FGD4: variants seen among roughly 807,000 people sequenced by gnomAD.
FGD4 encodes the protein FYVE, RhoGEF and PH domain containing 4, also known as FYVE, RhoGEF and PH domain-containing protein 4.
In FGD4, 42 loss-of-function variants were observed where a neutral mutation model predicts 102.0. The ratio of observed to expected loss-of-function variants is 0.41; its 90% confidence interval spans 0.32 to 0.53. The LOEUF is 0.53. Among genes scored for constraint, FGD4 ranks in the 20% least tolerant of loss-of-function variants. FGD4 has a pLI of 0.21. For missense variants in FGD4, 902 were observed against 1,078.2 expected (o/e 0.84, Z 2.29); for synonymous variants, 380 against 375.7 (o/e 1.01, Z -0.13).
chr12:32,409,042 C>T (rs1941081276), intron 1 of FGD4, among the ~76,000 whole-genome samples: 1 of 152,118 alleles, frequency 6.6e-6, no homozygotes, highest in African/African-American at 2.4e-5. Flanking sequence ...ATCACAATTT[C>T]TTTTTACATT....
At position 32,523,860 on chromosome 12, in the gene FGD4, C is replaced by T. The variant is rs570178080; in HGVS notation, c.167-40277C>T. 2.2e-3 allele frequency among the ~76,000 whole-genome samples: 328 copies of T among 152,060 alleles called. 1 individual carries two copies. Among genetic ancestry groups the T allele is most frequent in the Non-Finnish European group, 3.8e-3 (255 of 67,994 alleles). ...GGGCGTTGTGGCAGGCACCTGTAGTCCCAGCTGTTCTGGAGGCTGAGGCAG... is the reference window on the plus strand; with the variant it reads ...GGGCGTTGTGGCAGGCACCTGTAGTTCCAGCTGTTCTGGAGGCTGAGGCAG... On this transcript the variant is annotated intron_variant, in intron 1 of 16. Coordinates refer to ENST00000534526, the MANE Select transcript of FGD4 (RefSeq NM_001370298.3).
rs560665420 is a variant in FGD4, at chr12:32,613,599, T to A, written c.1749+2316T>A. ...GAGACCTCCCTGTCTCTACAAAAAA[T>A]TTAAAAATTAGCTGGGCATGGTAGC... On this transcript the variant is annotated intron_variant, in intron 10 of 16. Coordinates refer to ENST00000534526, the MANE Select transcript of FGD4 (RefSeq NM_001370298.3). Among the ~76,000 whole-genome samples, 14 of 151,896 alleles carry A rather than the reference T, an allele frequency of 9.2e-5. No homozygotes were observed. The East Asian group carries it at 2.1e-3, about 23-fold the overall frequency.
At chr12:32,562,865 TC>T (rs1006742343) in intron 1 of FGD4, among the ~76,000 whole-genome samples, 2 of 151,816 alleles carry the variant, frequency 1.3e-5, no homozygotes, top group African/African-American at 4.8e-5. Flanking sequence ...TCCCCACCTT[TC>T]CCCCCTTTCT....
Position 32,544,516 on chromosome 12 carries a change from GAACTCAGTCGTTT to G in FGD4, c.167-19620_167-19608del, listed in dbSNP as rs1391912348. Among the ~76,000 whole-genome samples, 5 of 151,956 alleles carry G rather than the reference GAACTCAGTCGTTT, an allele frequency of 3.3e-5. No homozygotes were observed. The highest frequency in any genetic ancestry group is 5.9e-5 in the Non-Finnish European group (4 of 67,998). The stretch of plus-strand genomic sequence containing the variant: ...GAGGCTGAGGCAGGTGGATCACTTT[GAACTCAGTCGTTT>G]GAGACCAGCCTGGTCAGTATGGTGA... On this transcript the variant is annotated intron_variant, in intron 1 of 16. Transcript: ENST00000534526. This position sits in a 1 kb window ranked among gnomAD's most constrained non-coding sequence, Gnocchi z 4.1.
Position 32,543,407 on chromosome 12 carries a change from C to T in FGD4, c.167-20730C>T, listed in dbSNP as rs147167172. On this transcript the variant is annotated intron_variant, in intron 1 of 16. Transcript: ENST00000534526. ...CAATTATTAACTCAGTCTCCAGGCA[C>T]TCTCCCTCTCCAGAAGTTGGGAGGA... Among the ~76,000 whole-genome samples, 777 of 152,248 alleles carry T rather than the reference C, an allele frequency of 5.1e-3. 5 individuals are homozygous for T. The highest frequency in any genetic ancestry group is 0.017 in the African/African-American group (710 of 41,544).
At chr12:32,463,219 A>G (rs1199871264) in intron 1 of FGD4, among the ~76,000 whole-genome samples, 1 of 152,242 alleles carries the variant, frequency 6.6e-6, no homozygotes, top group African/African-American at 2.4e-5. Context: ...AACAATAACC[A>G]TTACCGAAAA....
At position 32,569,749 on chromosome 12, in the gene FGD4, C is replaced by T. The variant is rs183885332; in HGVS notation, c.319+5460C>T. ...ATTGATAGGCTCAAGTGGCTAGAAC[C>T]TAGTAGATATTCAATAAGTATTCAT... is the stretch of plus-strand genomic sequence containing the variant. On this transcript the variant is annotated intron_variant, in intron 2 of 16. Transcript: ENST00000534526. 2.1e-3 allele frequency among the ~76,000 whole-genome samples: 323 copies of T among 152,090 alleles called. 2 individuals carry two copies. Among genetic ancestry groups the T allele is most frequent in the Non-Finnish European group, 3.7e-3 (253 of 68,000 alleles).
At chr12:32,567,561 G>A (rs935368167) in intron 2 of FGD4, among the ~76,000 whole-genome samples, 8 of 151,854 alleles carry the variant, frequency 5.3e-5, no homozygotes, top group Admixed American at 3.3e-4. Context: ...CAAAGAATTC[G>A]TACAAACTAT....
At chr12:32,402,742 G>C (rs1412674577) in intron 1 of FGD4, among the ~76,000 whole-genome samples, 1 of 144,416 alleles carries the variant, frequency 6.9e-6, no homozygotes, top group African/African-American at 2.7e-5. Context: ...CTATTTTCAG[G>C]GTCGAAAAGT....
intron 1 of FGD4, among the ~76,000 whole-genome samples, chr12:32,562,029 T>A (rs539606857): frequency 2.6e-5 from 4 of 152,188 alleles, no homozygotes; most frequent in Admixed American, 1.3e-4. Flanking sequence ...ATGTGTGTAT[T>A]TGTTAGTTTC....
chr12:32,461,121 T>C (rs906931339), intron 1 of FGD4, among the ~76,000 whole-genome samples: 1 of 152,250 alleles, frequency 6.6e-6, no homozygotes, highest in Non-Finnish European at 1.5e-5. Context: ...TGAAAGTTAA[T>C]ATTGATTCTT....
chr12:32,575,990 C>A (rs1946096023), intron 2 of FGD4, among the ~76,000 whole-genome samples: 1 of 152,090 alleles, frequency 6.6e-6, no homozygotes, highest in Non-Finnish European at 1.5e-5. Context: ...AATGCTTTAG[C>A]CTTATGTGGA....
intron 1 of FGD4, among the ~76,000 whole-genome samples, chr12:32,513,219 A>G (rs931942415): frequency 2.6e-5 from 4 of 152,236 alleles, no homozygotes; most frequent in Non-Finnish European, 4.4e-5. Flanking sequence ...GGTAAGATCT[A>G]CATGGTGAAG....
At chr12:32,480,683 T>C (rs1057168874) in intron 1 of FGD4, among the ~76,000 whole-genome samples, 1 of 151,716 alleles carries the variant, frequency 6.6e-6, no homozygotes, top group South Asian at 2.1e-4. Context: ...GTATTTTTAG[T>C]AGAGACGGGG....
At chr12:32,458,115 C>G (rs923846665) in intron 1 of FGD4, among the ~76,000 whole-genome samples, 14 of 151,510 alleles carry the variant, frequency 9.2e-5, no homozygotes, top group African/African-American at 3.4e-4. Context: ...CCTCAAACAG[C>G]CAATTTTTTT....
chr12:32,556,576 G>A (rs1354146794), intron 1 of FGD4, among the ~76,000 whole-genome samples: 2 of 152,104 alleles, frequency 1.3e-5, no homozygotes, highest in African/African-American at 2.4e-5. Flanking sequence ...AGAATTTCCT[G>A]CTGGGCGCAG....
intron 4 of FGD4, among the ~76,000 whole-genome samples, chr12:32,595,030 A>G (rs11295496): frequency 0.22 from 10,705 of 49,236 alleles, 529 homozygotes; most frequent in Non-Finnish European, 0.25. Flanking sequence ...GACTCCGTCT[A>G]AAAAAAAAAA....
At chr12:32,409,642 A>G (rs1463142232) in intron 1 of FGD4, among the ~76,000 whole-genome samples, 16 of 152,190 alleles carry the variant, frequency 1.1e-4, no homozygotes, top group African/African-American at 2.4e-5. Context: ...GCCATAGTCA[A>G]AAACCTTCCA....
At position 32,641,580 on chromosome 12, in the gene FGD4, T is replaced by C. The variant is rs934519679; in HGVS notation, c.*1047T>C. 1.3e-5 allele frequency: 2 copies of C among 152,210 alleles called. No individual in the cohort carries two copies. Among genetic ancestry groups the C allele is most frequent in the South Asian group, 2.1e-4 (1 of 4,834 alleles). The allele number at this position is 152,210 out of a possible 1,614,324, so 9.4% of individuals were successfully genotyped here. On this transcript the variant is annotated 3_prime_UTR_variant, in exon 17 of 17. Coordinates refer to ENST00000534526, the MANE Select transcript of FGD4 (RefSeq NM_001370298.3). ...ATTATTGCAGTAGTTAACATCAGCA[T>C]GTACAAACATTTTCACCAAAACCCA...
Sources: gnomAD v4.1 joint callset for allele counts (sites outside exome capture counted in the v4.1 genomes callset) on GRCh38, gnomAD v4.1.1 for gene constraint, Gnocchi (gnomAD v3.1) non-coding constraint, MANE v1.5 for transcripts, NCBI Gene and HGNC (gene_info 2026-07-23, HGNC 2026-07-21) for gene names.